The following WDR49 variants were observed in gnomAD, a reference collection of about 807,000 sequenced individuals.
The protein encoded by WDR49 is WD repeat domain 49.
In WDR49, 107 loss-of-function variants were observed where a neutral mutation model predicts 119.5. That is an observed-to-expected ratio of 0.90 (90% CI 0.77 to 1.05). The LOEUF is 1.05. Ranked by LOEUF, WDR49 falls within the 50% of genes least tolerant of loss-of-function variation. The probability of loss-of-function intolerance (pLI) is 0.00; values close to 1 mark genes in which losing one functional copy is unlikely to be tolerated. For missense variants in WDR49, 1,240 were observed against 1,220.5 expected (o/e 1.02, Z -0.24); for synonymous variants, 425 against 418.8 (o/e 1.01, Z -0.18).
chr3:167,484,985 C>T (rs1446476758), intron 18 of WDR49, among the ~76,000 whole-genome samples: 1 of 152,126 alleles, frequency 6.6e-6, no homozygotes, highest in Admixed American at 6.6e-5. Context: ...AAATGTGGCA[C>T]ATTTACACCA....
intron 7 of WDR49, among the ~76,000 whole-genome samples, chr3:167,578,827 C>A (rs1400052706): frequency 1.3e-5 from 2 of 152,104 alleles, no homozygotes; most frequent in African/African-American, 4.8e-5. Flanking sequence ...CTTAATTGAG[C>A]AAAATTCTAT....
chr3:167,566,848 C>A, intron 8 of WDR49: 2 of 669,948 alleles, frequency 3.0e-6, no homozygotes, highest in South Asian at 1.7e-5. Flanking sequence ...GAGTGGAAGT[C>A]AATTATCATA....
chr3:167,604,522 A>G (rs1305001413), intron 5 of WDR49, 54 bp from the exon 6 acceptor site: 3 of 1,471,560 alleles, frequency 2.0e-6, no homozygotes, highest in Non-Finnish European at 2.7e-6. Flanking sequence ...TTCACAAGAT[A>G]TTAGTAAAAT....
chr3:167,514,417 G>A (rs917476794), intron 16 of WDR49, among the ~76,000 whole-genome samples: 1 of 152,112 alleles, frequency 6.6e-6, no homozygotes, highest in Non-Finnish European at 1.5e-5. Context: ...TGAGAAGAAA[G>A]AGGCCATGTA....
intron 18 of WDR49, among the ~76,000 whole-genome samples, chr3:167,495,778 A>G (rs1211732076): frequency 1.3e-5 from 2 of 150,842 alleles, no homozygotes; most frequent in African/African-American, 2.4e-5. Context: ...AAGGCTAAAG[A>G]GAAGTATTTT....
intron 15 of WDR49, among the ~76,000 whole-genome samples, chr3:167,525,882 T>C (rs1005626365): frequency 6.6e-6 from 1 of 151,566 alleles, no homozygotes; most frequent in Non-Finnish European, 1.5e-5. Flanking sequence ...TTCCCTTTTC[T>C]CCTCTCTCTT....
At chr3:167,596,901 T>A (rs1577264790) in intron 7 of WDR49, among the ~76,000 whole-genome samples, 1 of 136,062 alleles carries the variant, frequency 7.3e-6, no homozygotes, top group Admixed American at 7.6e-5. Flanking sequence ...AATAAATAAA[T>A]AAAGATGTTT....
chr3:167,630,199 C>T (rs749099437), intron 2 of WDR49, among the ~76,000 whole-genome samples: 14 of 152,066 alleles, frequency 9.2e-5, no homozygotes, highest in Admixed American at 9.2e-4. Context: ...CCGTCTCAAT[C>T]GTCAGCAACC....
chr3:167,617,203 C>T lies in WDR49; in HGVS notation c.958+3226G>A, dbSNP rs546284643. Among the ~76,000 whole-genome samples, 5 of 152,134 alleles carry T rather than the reference C, an allele frequency of 3.3e-5. No homozygotes were observed. The South Asian group carries it at 6.2e-4, about 19-fold the overall frequency. ...AGGTGAAGTGGCAAAAAATAAAGGACGTTTCAGGAAAAACGTTGGCAAGAA... is the reference window on the plus strand; with the variant it reads ...AGGTGAAGTGGCAAAAAATAAAGGATGTTTCAGGAAAAACGTTGGCAAGAA... On this transcript the variant is annotated intron_variant, in intron 5 of 18. Coordinates refer to ENST00000682715, the MANE Select transcript of WDR49 (RefSeq NM_001366157.1).
At chr3:167,621,666 C>A in intron 3 of WDR49, 23 bp from the exon 4 acceptor site, 1 of 1,508,992 alleles carries the variant, frequency 6.6e-7, no homozygotes, top group Non-Finnish European at 8.8e-7. Context: ...AGTAGAAAAT[C>A]AGAAAGTAAT....
Position 167,602,130 on chromosome 3 carries a change from A to G in WDR49, c.1272T>C (p.Asp424=). The change falls in exon 7 of 19, where the codon GAT becomes GAC. Residue 424 remains aspartate (D), a synonymous_variant. Coordinates refer to ENST00000682715, the MANE Select transcript of WDR49 (RefSeq NM_001366157.1). ...TTAAAAGCACAATGTTACTTACTTT[A>G]TCCTTGGAGAAGCTGAAAAGTTGTT... ...ERKQLFSFSK[D]KVLRLWDIQH... The G allele has an allele frequency of 6.3e-7, 1 of 1,594,832 alleles. No individual in the cohort carries two copies. Among genetic ancestry groups the G allele is most frequent in the South Asian group, 1.1e-5 (1 of 88,696 alleles).
intron 16 of WDR49, among the ~76,000 whole-genome samples, chr3:167,506,651 A>G (rs1577204601): frequency 6.6e-6 from 1 of 152,302 alleles, no homozygotes; most frequent in South Asian, 2.1e-4. Flanking sequence ...ATAACATCTT[A>G]CACTACCATT....
intron 7 of WDR49, among the ~76,000 whole-genome samples, chr3:167,597,985 T>A (rs1715570101): frequency 6.6e-6 from 1 of 152,068 alleles, no homozygotes; most frequent in South Asian, 2.1e-4. Flanking sequence ...TGGGGGACCA[T>A]GATGGGGGCA....
chr3:167,554,558 C>T (rs12497928), intron 10 of WDR49, 92 bp downstream of exon 10: 2 of 724,004 alleles, frequency 2.8e-6, no homozygotes, highest in Admixed American at 3.3e-5. Flanking sequence ...ACCTAGGTCA[C>T]CAGCAAGTTT....
chr3:167,628,199 T>C (rs1384446775), intron 2 of WDR49, among the ~76,000 whole-genome samples: 8 of 152,052 alleles, frequency 5.3e-5, no homozygotes, highest in Admixed American at 5.3e-4. Flanking sequence ...CACAAAAATA[T>C]TGAAATTAAG....
intron 2 of WDR49, among the ~76,000 whole-genome samples, chr3:167,646,135 C>A (rs1327486636): frequency 1.3e-5 from 2 of 152,012 alleles, no homozygotes; most frequent in African/African-American, 4.8e-5. Context: ...TGGCCCAGGT[C>A]AGATAATTTT....
At chr3:167,535,155 C>T (rs764216418) in intron 11 of WDR49, among the ~76,000 whole-genome samples, 1 of 151,884 alleles carries the variant, frequency 6.6e-6, no homozygotes, top group African/African-American at 2.4e-5. Context: ...TTGGTAGAGC[C>T]GTGAGGGGAA....
intron 10 of WDR49, among the ~76,000 whole-genome samples, chr3:167,543,730 C>A (rs1711983655): frequency 6.6e-6 from 1 of 151,866 alleles, no homozygotes; most frequent in African/African-American, 2.4e-5. Flanking sequence ...AGAATTGAAA[C>A]AAGACAAAAA....
chr3:167,619,596 T>G (rs1467809624), intron 5 of WDR49, among the ~76,000 whole-genome samples: 2 of 152,146 alleles, frequency 1.3e-5, no homozygotes, highest in Non-Finnish European at 2.9e-5. Flanking sequence ...AGCCAACAGT[T>G]GGGTCCATGT....
Sources: gnomAD v4.1 joint callset for allele counts (sites outside exome capture counted in the v4.1 genomes callset) on GRCh38, gnomAD v4.1.1 for gene constraint, MANE v1.5 for transcripts, NCBI Gene and HGNC (gene_info 2026-07-23, HGNC 2026-07-21) for gene names.